Variants in NUP188 observed in about 807,000 individuals in gnomAD.
NUP188 encodes nucleoporin NUP188.
Under a neutral mutation model 223.0 loss-of-function variants are expected in NUP188, and 97 were observed. That is an observed-to-expected ratio of 0.43 (90% CI 0.37 to 0.51). NUP188 has a LOEUF of 0.51. NUP188 is among the 20% of genes least tolerant of loss of function. NUP188 has a pLI of 0.00. For missense variants in NUP188, 1,947 were observed against 2,175.6 expected (o/e 0.89, Z 2.09); for synonymous variants, 869 against 828.0 (o/e 1.05, Z -0.85).
At chr9:128,986,106 C>A (rs1322642691) in intron 20 of NUP188, among the ~76,000 whole-genome samples, 1 of 152,046 alleles carries the variant, frequency 6.6e-6, no homozygotes, top group East Asian at 1.9e-4. Context: ...ACTAAAGAGT[C>A]CCCATTTTTA....
intron 12 of NUP188, among the ~76,000 whole-genome samples, chr9:128,975,863 C>T (rs1315168459): frequency 6.6e-6 from 1 of 152,024 alleles, no homozygotes; most frequent in African/African-American, 2.4e-5. Flanking sequence ...ACTCTGTCGC[C>T]CAGGCTGGAG....
At chr9:128,962,399 C>A (rs958754185) in intron 8 of NUP188, among the ~76,000 whole-genome samples, 3 of 152,078 alleles carry the variant, frequency 2.0e-5, no homozygotes, top group African/African-American at 7.2e-5. Context: ...CAGGCGCCCA[C>A]CACCACGCCC....
chr9:128,974,953 G>A (rs1425270710), intron 12 of NUP188, among the ~76,000 whole-genome samples: 2 of 151,652 alleles, frequency 1.3e-5, no homozygotes, highest in East Asian at 3.9e-4. Context: ...AAGAGATGGA[G>A]TTTTGCCATG....
At chr9:128,990,040 G>A (rs1453379339) in intron 24 of NUP188, 80 bp from the exon 25 acceptor site, 3 of 1,068,130 alleles carry the variant, frequency 2.8e-6, no homozygotes, top group Non-Finnish European at 4.4e-6. Context: ...ACACACTGTG[G>A]GTCTTTTTTG....
intron 38 of NUP188, chr9:129,004,861 GAC>G (rs1842749070): frequency 2.0e-6 from 1 of 488,146 alleles, no homozygotes; most frequent in Non-Finnish European, 3.7e-6. Context: ...GTCTCAGGGA[GAC>G]AGTCCAGTCC....
chr9:128,975,226 CTTTTTTT>C (rs540828761), intron 12 of NUP188, among the ~76,000 whole-genome samples: 2 of 131,872 alleles, frequency 1.5e-5, no homozygotes, highest in African/African-American at 3.0e-5. Context: ...TTTTCTTTTC[CTTTTTTT>C]TTTTTTTTTT....
In NUP188 at chr9:128,993,512, T is replaced by C. The variant is rs1160167314; in HGVS notation, c.2848-13T>C. 1 of 1,614,018 alleles carries C rather than the reference T, an allele frequency of 6.2e-7. No individual in the cohort carries two copies. On this transcript the variant is annotated splice_polypyrimidine_tract_variant and intron_variant, in intron 26 of 43. Coordinates refer to ENST00000372577, the MANE Select transcript of NUP188 (RefSeq NM_015354.3). Reference sequence around the variant, plus strand: ...GGCTGTGGAACTGAACTCTTACCTGTCCCTTCTTGCAGGAATTCAGCCTTG... The same window carrying C: ...GGCTGTGGAACTGAACTCTTACCTGCCCCTTCTTGCAGGAATTCAGCCTTG...
chr9:128,984,124 A>ATTCTTTTTTTTTTTTTTTTTTTTTTT (rs1842296351), intron 19 of NUP188, among the ~76,000 whole-genome samples: 1 of 93,070 alleles, frequency 1.1e-5, no homozygotes, highest in African/African-American at 5.9e-5. Flanking sequence ...GCCTGGCCTG[A>ATTCTTTTTTTTTTTTTTTTTTTTTTT]TTTTTTTTTT....
Position 128,981,402 on chromosome 9 carries a change from A to G in NUP188, c.1516+12A>G. On this transcript the variant is annotated intron_variant, in intron 15 of 43. Transcript: ENST00000372577. The stretch of plus-strand genomic sequence containing the variant: ...CCTTTATCCCCTTGGTGAGATAAAG[A>G]GATCCCCCTTTTATGACAGCTTTTT... 1.3e-6 allele frequency: 2 copies of G among 1,584,914 alleles called. No homozygotes were observed. The highest frequency in any genetic ancestry group is 1.7e-6 in the Non-Finnish European group (2 of 1,171,444).
chr9:128,970,943 C>A lies in NUP188; in HGVS notation c.1098C>A (p.Ala366=), dbSNP rs1349797779. 4 of 1,613,578 alleles carry A rather than the reference C, an allele frequency of 2.5e-6. No homozygotes were observed. The African/African-American group carries it at 4.0e-5, about 16-fold the overall frequency. ...TGACCCGATTGCTCCAGTCCCTTGC[C>A]AGTGGGGGAAATGATGTGAGTTTAA... ...QYLTRLLQSL[A]SGGNDCTTST... The change falls in exon 11 of 44, where the codon GCC becomes GCA. Residue 366 remains alanine (A), a synonymous_variant. Transcript: ENST00000372577.
rs752657690 is a variant in NUP188 at position 129,006,388 on chromosome 9, C to T, written c.5073+20C>T. ...GAGTTGGTACGGATGGATAGGGATACGGAGGGCTGGACCAATAGGGCCAGA... is the reference window on the plus strand; with the variant it reads ...GAGTTGGTACGGATGGATAGGGATATGGAGGGCTGGACCAATAGGGCCAGA... On this transcript the variant is annotated intron_variant, in intron 43 of 43. Transcript: ENST00000372577. 2.6e-5 allele frequency: 42 copies of T among 1,614,010 alleles called. No individual in the cohort carries two copies. Among genetic ancestry groups the T allele is most frequent in the Non-Finnish European group, 3.1e-5 (36 of 1,180,026 alleles).
chr9:128,950,697 TAGCC>T (rs1320346431), intron 2 of NUP188, among the ~76,000 whole-genome samples: 2 of 152,050 alleles, frequency 1.3e-5, no homozygotes, highest in Non-Finnish European at 2.9e-5. Context: ...TTTAAAAAAT[TAGCC>T]AGGCATGGTG....
chr9:128,964,706 A>G (rs1490762688), intron 8 of NUP188, among the ~76,000 whole-genome samples: 1 of 129,464 alleles, frequency 7.7e-6, no homozygotes, highest in Admixed American at 8.0e-5. Context: ...TTTAATTTTA[A>G]TTTTTTTTTT....
At chr9:128,977,408 C>T (rs532496045) in intron 12 of NUP188, among the ~76,000 whole-genome samples, 3 of 152,120 alleles carry the variant, frequency 2.0e-5, no homozygotes, top group East Asian at 1.9e-4. Context: ...CATGAGCCAC[C>T]GTGCCCGACC....
At chr9:128,966,168 T>TGTGCGC (rs1316335087) in intron 8 of NUP188, among the ~76,000 whole-genome samples, 48 of 128,842 alleles carry the variant, frequency 3.7e-4, no homozygotes, top group African/African-American at 1.3e-3. Flanking sequence ...TGTGTGTGTG[T>TGTGCGC]GCGTGTGCCC....
At chr9:128,988,506 A>G (rs1842369552) in intron 24 of NUP188, among the ~76,000 whole-genome samples, 1 of 152,140 alleles carries the variant, frequency 6.6e-6, no homozygotes. Flanking sequence ...CTGATTTCTC[A>G]TCTGTAAAAT....
chr9:128,984,835 A>G (rs777628757), intron 19 of NUP188, 65 bp from the exon 20 acceptor site: 84 of 1,058,850 alleles, frequency 7.9e-5, no homozygotes, highest in Admixed American at 6.1e-4. Flanking sequence ...AGAATGCTCT[A>G]TGATTAGTTT....
chr9:128,966,128 CGT>C (rs34851120), intron 8 of NUP188, among the ~76,000 whole-genome samples: 46,366 of 136,508 alleles, frequency 0.34, 7,031 homozygotes, highest in South Asian at 0.41. Context: ...TTTCTGCCTC[CGT>C]GTGTGTGTGT....
Position 128,982,538 on chromosome 9 carries a change from T to C in NUP188, c.1517-11T>C. 15 of 1,601,534 alleles carry C rather than the reference T, an allele frequency of 9.4e-6. No individual in the cohort carries two copies. Among genetic ancestry groups the C allele is most frequent in the Non-Finnish European group, 1.2e-5 (14 of 1,175,596 alleles). On this transcript the variant is annotated splice_polypyrimidine_tract_variant and intron_variant, in intron 15 of 43. Transcript: ENST00000372577. ...CCTCAGATATTAGACTAATTTATCT[T>C]TCTCTCTCAGGGGGTCAAACCAACC...
Sources: allele counts gnomAD v4.1 joint callset (sites outside exome capture counted in the v4.1 genomes callset), GRCh38; gene constraint gnomAD v4.1.1; transcripts MANE v1.5; gene names NCBI Gene and HGNC (gene_info 2026-07-23, HGNC 2026-07-21).